SPATA18: variants seen among roughly 807,000 people sequenced by gnomAD.
SPATA18 encodes spermatogenesis associated 18.
SPATA18 carries 54 observed loss-of-function variants against 68.1 expected under a neutral mutation model. The ratio of observed to expected loss-of-function variants is 0.79; its 90% CI spans 0.64 to 0.99. The LOEUF (loss-of-function observed/expected upper bound fraction) is 0.99, where lower values mean the gene tolerates loss of function less well. Among genes scored for constraint, SPATA18 ranks in the 50% least tolerant of loss-of-function variants. The pLI, the probability that SPATA18 is intolerant of heterozygous loss-of-function variation, is 0.00. For missense variants in SPATA18, 724 were observed against 681.1 expected (o/e 1.06, Z -0.70); for synonymous variants, 242 against 244.8 (o/e 0.99, Z 0.11).
chr4:52,074,774 T>C (rs981489476), intron 6 of SPATA18, among the ~76,000 whole-genome samples: 2 of 152,150 alleles, frequency 1.3e-5, no homozygotes, highest in Admixed American at 6.5e-5. Flanking sequence ...ATATTATAAG[T>C]ATGAATGGTG....
intron 1 of SPATA18, among the ~76,000 whole-genome samples, chr4:52,058,381 G>C (rs1738538737): frequency 6.6e-6 from 1 of 152,124 alleles, no homozygotes; most frequent in Non-Finnish European, 1.5e-5. Flanking sequence ...TAGTCATCAG[G>C]TACCATTTAC....
rs2109513469 is a variant in SPATA18, at chr4:52,085,004, A to G, written c.1563+5A>G. ...AGCCAAATTGGTTTAAACACGGTAC[A>G]TATCTATCTAATCATTTTTACACAA... On this transcript the variant is annotated splice_donor_5th_base_variant and intron_variant, in intron 11 of 12. Coordinates refer to ENST00000295213, the MANE Select transcript of SPATA18 (RefSeq NM_145263.4). 6.2e-6 allele frequency: 10 copies of G among 1,604,190 alleles called. No individual in the cohort carries two copies. The highest frequency in any genetic ancestry group is 6.8e-6 in the Non-Finnish European group (8 of 1,174,804).
chr4:52,072,300 T>C (rs1295522261), intron 6 of SPATA18, 144 bp downstream of exon 6: 1 of 1,340,916 alleles, frequency 7.5e-7, no homozygotes, highest in Non-Finnish European at 1.0e-6. Context: ...GTAAAGGGAT[T>C]GTTTTCTTAA....
intron 11 of SPATA18, among the ~76,000 whole-genome samples, chr4:52,087,011 G>A (rs1030853834): frequency 6.6e-6 from 1 of 152,178 alleles, no homozygotes; most frequent in African/African-American, 2.4e-5. Context: ...TTTCTCTAAT[G>A]ACCAGTGATG....
Position 52,069,884 on chromosome 4 carries a change from T to G in SPATA18, c.486T>G (p.Ala162=). 2 of 1,594,336 alleles carry G rather than the reference T, an allele frequency of 1.3e-6. No individual in the cohort carries two copies. Among genetic ancestry groups the G allele is most frequent in the Non-Finnish European group, 1.7e-6 (2 of 1,167,806 alleles). ...ACAGATCGGCCATATCCCTTTTGGC[T>G]GCAGAGGAGGAAATAAATCAGCTGA... is the stretch of plus-strand genomic sequence containing the variant. ...SKNRSAISLL[A]AEEEINQLKK... is the part of the protein sequence containing the mutation. The change falls in exon 5 of 13, where the codon GCT becomes GCG. Residue 162 remains alanine (A), a synonymous_variant. Transcript: ENST00000295213.
At chr4:52,089,648 CTGTT>C (rs1180188329) in intron 11 of SPATA18, among the ~76,000 whole-genome samples, 2 of 152,154 alleles carry the variant, frequency 1.3e-5, no homozygotes. Context: ...ATCTGAGAGA[CTGTT>C]TGTTATTATT....
intron 1 of SPATA18, among the ~76,000 whole-genome samples, 189 bp from the exon 2 acceptor site, chr4:52,060,230 A>G (rs1738707051): frequency 6.6e-6 from 1 of 152,206 alleles, no homozygotes; most frequent in African/African-American, 2.4e-5. Flanking sequence ...CTGCTAGGGA[A>G]ACTGTGAAAT....
chr4:52,075,027 C>T (rs1423399257), intron 6 of SPATA18, among the ~76,000 whole-genome samples: 1 of 152,164 alleles, frequency 6.6e-6, no homozygotes, highest in Non-Finnish European at 1.5e-5. Flanking sequence ...GTTGCATGTC[C>T]TTCCCCTTGT....
At chr4:52,055,010 A>G (rs757932981) in intron 1 of SPATA18, among the ~76,000 whole-genome samples, 5 of 151,766 alleles carry the variant, frequency 3.3e-5, no homozygotes, top group South Asian at 2.1e-4. Flanking sequence ...TAAGATCTCT[A>G]TTTTAACAGT....
At chr4:52,088,150 A>C (rs1741596622) in intron 11 of SPATA18, among the ~76,000 whole-genome samples, 1 of 152,176 alleles carries the variant, frequency 6.6e-6, no homozygotes, top group African/African-American at 2.4e-5. Flanking sequence ...GAAGTTGCTT[A>C]TTAGCTTAAG....
chr4:52,071,854 C>A, intron 5 of SPATA18, 63 bp from the exon 6 acceptor site: 1 of 1,530,292 alleles, frequency 6.5e-7, no homozygotes, highest in Non-Finnish European at 8.9e-7. Context: ...ACCTTTCCTT[C>A]CTTCCTTCAC....
At chr4:52,077,406 T>C (rs1740483256) in intron 7 of SPATA18, among the ~76,000 whole-genome samples, 1 of 108,010 alleles carries the variant, frequency 9.3e-6, no homozygotes, top group African/African-American at 2.6e-5. Flanking sequence ...CTTCCTCCAT[T>C]GTTTCCTTCC....
intron 7 of SPATA18, among the ~76,000 whole-genome samples, chr4:52,077,740 T>C (rs1740523607): frequency 2.6e-5 from 4 of 152,210 alleles, no homozygotes; most frequent in Non-Finnish European, 5.9e-5. Context: ...TTAATGCTTC[T>C]GTTTGTTTAA....
chr4:52,059,210 A>T (rs185265639), intron 1 of SPATA18, among the ~76,000 whole-genome samples: 185 of 152,196 alleles, frequency 1.2e-3, no homozygotes, highest in Middle Eastern at 6.8e-3. Context: ...TTGCCTAGAG[A>T]TTATCTCAAC....
rs773192989 is a variant in SPATA18 at position 52,084,975 on chromosome 4, C to T, written c.1539C>T (p.Pro513=). The T allele has an allele frequency of 3.7e-6, 6 of 1,613,752 alleles. No homozygotes were observed. In the East Asian group the frequency reaches 6.7e-5, roughly 18 times the overall value. ...CRSRSLSPIC[P]RSQIGLNTMS... is the part of the protein sequence containing the mutation. ...GCAGGAGTTTAAGTCCCATTTGCCCCCGTAGCCAAATTGGTTTAAACACGG... is the reference window on the plus strand; with the variant it reads ...GCAGGAGTTTAAGTCCCATTTGCCCTCGTAGCCAAATTGGTTTAAACACGG... Residue 513 remains proline, a synonymous_variant, in exon 11 of 13, where the codon CCC becomes CCT. Coordinates refer to ENST00000295213, the MANE Select transcript of SPATA18 (RefSeq NM_145263.4).
intron 4 of SPATA18, among the ~76,000 whole-genome samples, chr4:52,066,989 T>A (rs1215258279): frequency 1.3e-5 from 2 of 152,184 alleles, no homozygotes; most frequent in African/African-American, 2.4e-5. Flanking sequence ...AATAATAGAA[T>A]TATTTATATT....
At chr4:52,085,651 C>T (rs1169787029) in intron 11 of SPATA18, among the ~76,000 whole-genome samples, 3 of 151,960 alleles carry the variant, frequency 2.0e-5, no homozygotes, top group Non-Finnish European at 4.4e-5. Flanking sequence ...TTGCTTGAGC[C>T]CAGGAGTTTG....
In SPATA18 at chr4:52,095,249, T is replaced by C; in HGVS notation, c.*362T>C. On this transcript the variant is annotated 3_prime_UTR_variant, in exon 13 of 13. Transcript: ENST00000295213. Reference sequence around the variant, plus strand: ...CTGAAGTGGAAAGCATCTACCATGCTGAGGCTAAAAGAAAAGATGAATCAT... The same window carrying C: ...CTGAAGTGGAAAGCATCTACCATGCCGAGGCTAAAAGAAAAGATGAATCAT... 7.7e-6 allele frequency: 2 copies of C among 260,406 alleles called. No individual in the cohort carries two copies. The highest frequency in any genetic ancestry group is 1.4e-5 in the Non-Finnish European group (2 of 138,876). 16.1% of individuals were successfully genotyped at this position (260,406 alleles called of 1,614,324 possible). A position where few individuals can be genotyped will look rare whatever the true frequency, so the allele number is the denominator to read the frequency against.
In SPATA18 at chr4:52,076,726, T is replaced by TAA. The variant is rs557602938; in HGVS notation, c.759-52_759-51insAA. The TAA allele has an allele frequency of 1.0e-4, 161 of 1,594,948 alleles. No homozygotes were observed. The East Asian group carries it at 1.1e-3, about 11-fold the overall frequency. The stretch of plus-strand genomic sequence containing the variant: ...ATTGGCCACCAGATGATCTTTGCTT[T>TAA]ACTTAAGAAGCAAATCAAAGGATTT... On this transcript the variant is annotated intron_variant, in intron 6 of 12. Coordinates refer to ENST00000295213, the MANE Select transcript of SPATA18 (RefSeq NM_145263.4).
Sources: gnomAD v4.1 joint callset for allele counts (sites outside exome capture counted in the v4.1 genomes callset) on GRCh38, gnomAD v4.1.1 for gene constraint, MANE v1.5 for transcripts, NCBI Gene and HGNC (gene_info 2026-07-23, HGNC 2026-07-21) for gene names.